FIBP: variants seen among roughly 807,000 people sequenced by gnomAD.
FIBP encodes the protein FGF1 intracellular binding protein.
A neutral mutation model predicts 40.5 loss-of-function variants in FIBP; 29 were observed. That is an observed-to-expected ratio of 0.72 (90% CI 0.53 to 0.98). The LOEUF (loss-of-function observed/expected upper bound fraction) is 0.98, where lower values mean the gene tolerates loss of function less well. FIBP is among the 50% of genes least tolerant of loss of function. The pLI, the probability that FIBP is intolerant of heterozygous loss-of-function variation, is 0.00. For synonymous variants in FIBP, 215 were observed against 191.1 expected (o/e 1.13, Z -1.03); for missense variants, 411 against 470.2 (o/e 0.87, Z 1.16).
At chr11:65,884,110 C>T (rs1419560736) in intron 9 of FIBP, 67 bp from the exon 10 acceptor site, 23 of 1,283,192 alleles carry the variant, frequency 1.8e-5, no homozygotes, top group South Asian at 1.6e-4. Flanking sequence ...CCCTGCCCTG[C>T]GTGCTTTCTA....
chr11:65,884,528 A>G (rs761672518), intron 8 of FIBP, 39 bp from the exon 9 acceptor site: 3 of 1,614,068 alleles, frequency 1.9e-6, no homozygotes, highest in Admixed American at 3.3e-5. Context: ...TGTATAGGCC[A>G]GGGACAGACC....
In FIBP at chr11:65,884,996, A is replaced by G; in HGVS notation, c.758T>C (p.Leu253Pro). Residue 253 changes from leucine to proline, a missense_variant and splice_region_variant, in exon 7 of 10, where the codon CTG becomes CCG. Physicochemically the swap from Leu to Pro is moderately conservative, Grantham distance 98 (BLOSUM62 -3). Coordinates refer to ENST00000357519, the MANE Select transcript of FIBP (RefSeq NM_004214.5). ...CTTTCCCCGGAGAGCAGTGCACACCAGGCTGCAGAGAGACAGGGTCACGCC... is the reference window on the plus strand; with the variant it reads ...CTTTCCCCGGAGAGCAGTGCACACCGGGCTGCAGAGAGACAGGGTCACGCC... Reference protein sequence around the residue: ...DKDLLDLHKSLVCTALRGKLG... With the variant: ...DKDLLDLHKSPVCTALRGKLG... The G allele has an allele frequency of 6.2e-7, 1 of 1,614,170 alleles. No individual in the cohort carries two copies. Among genetic ancestry groups the G allele is most frequent in the Non-Finnish European group, 8.5e-7 (1 of 1,180,014 alleles).
chr11:65,887,882 T>C, intron 2 of FIBP, 52 bp downstream of exon 2: 2 of 1,597,390 alleles, frequency 1.3e-6, no homozygotes, highest in Non-Finnish European at 1.7e-6. Context: ...GCCGGCAAAA[T>C]GGGTATACAG....
chr11:65,885,296 T>G (rs1860206777), intron 5 of FIBP, 110 bp from the exon 6 acceptor site: 1 of 1,017,940 alleles, frequency 9.8e-7, no homozygotes, highest in Non-Finnish European at 1.5e-6. Context: ...AAAGAGGAAA[T>G]GGAGTGTCAG....
intron 3 of FIBP, chr11:65,886,652 A>G: frequency 2.0e-6 from 1 of 487,960 alleles, no homozygotes; most frequent in Non-Finnish European, 3.7e-6. Context: ...TGTTTACTCA[A>G]TCTTATCTCT....
intron 2 of FIBP, 94 bp from the exon 3 acceptor site, chr11:65,887,820 T>C (rs768177902): frequency 6.3e-7 from 1 of 1,592,944 alleles, no homozygotes; most frequent in South Asian, 1.1e-5. Flanking sequence ...CCCCTTCCAC[T>C]CTCAACTTTC....
chr11:65,884,869 C>T, intron 7 of FIBP, 66 bp downstream of exon 7: 12 of 1,582,666 alleles, frequency 7.6e-6, no homozygotes, highest in Non-Finnish European at 1.0e-5. Context: ...GGCAGAGCTG[C>T]CCGGTAGGGG....
At chr11:65,884,151 C>T in intron 9 of FIBP, 108 bp from the exon 10 acceptor site, 1 of 934,324 alleles carries the variant, frequency 1.1e-6, no homozygotes, top group African/African-American at 1.6e-5. Flanking sequence ...TTAGAAAATC[C>T]TTACAATTCT....
chr11:65,884,165 C>T (rs1479163912), intron 9 of FIBP, 122 bp from the exon 10 acceptor site: 2 of 856,852 alleles, frequency 2.3e-6, no homozygotes, highest in African/African-American at 3.4e-5. Flanking sequence ...CAATTCTTCT[C>T]ATGATGAACC....
In FIBP at chr11:65,884,963, A is replaced by T. The variant is rs1219693584; in HGVS notation, c.791T>A (p.Val264Asp). 3 of 1,614,022 alleles carry T rather than the reference A, an allele frequency of 1.9e-6. No homozygotes were observed. ...GAAGTTGGCTTCCATCTCAGAGAAG[A>T]CGCCCAGCTTTCCCCGGAGAGCAGT... ...VCTALRGKLGVFSEMEANFKN... is the reference protein window; with the variant it reads ...VCTALRGKLGDFSEMEANFKN... Residue 264 changes from valine to aspartate, a missense_variant, in exon 7 of 10, where the codon GTC becomes GAC. Val to Asp is a radical substitution (Grantham distance 152). Coordinates refer to ENST00000357519, the MANE Select transcript of FIBP (RefSeq NM_004214.5).
In FIBP at chr11:65,884,977, C is replaced by G. The variant is rs756523812; in HGVS notation, c.777G>C (p.Arg259=). Residue 259 remains arginine (R), a synonymous_variant, in exon 7 of 10, where the codon CGG becomes CGC. Transcript: ENST00000357519. Reference sequence around the variant, plus strand: ...TCTCAGAGAAGACGCCCAGCTTTCCCCGGAGAGCAGTGCACACCAGGCTGC... The same window carrying G: ...TCTCAGAGAAGACGCCCAGCTTTCCGCGGAGAGCAGTGCACACCAGGCTGC... ...LHKSLVCTAL[R]GKLGVFSEME... The G allele has an allele frequency of 6.2e-7, 1 of 1,614,178 alleles. No homozygotes were observed. Among genetic ancestry groups the G allele is most frequent in the East Asian group, 2.2e-5 (1 of 44,884 alleles).
chr11:65,884,952 T>G lies in FIBP; in HGVS notation c.802A>C (p.Met268Leu). ...LRGKLGVFSE[M>L]EANFKNLSRG... ...CCACAGACCTTGAAGTTGGCTTCCA[T>G]CTCAGAGAAGACGCCCAGCTTTCCC... The change falls in exon 7 of 10, where the codon ATG becomes CTG. Residue 268 changes from methionine (M) to leucine (L), a missense_variant. Physicochemically the swap from Met to Leu is conservative, Grantham distance 15. Coordinates refer to ENST00000357519, the MANE Select transcript of FIBP (RefSeq NM_004214.5). 1 of 1,614,136 alleles carries G rather than the reference T, an allele frequency of 6.2e-7. No homozygotes were observed. The highest frequency in any genetic ancestry group is 8.5e-7 in the Non-Finnish European group (1 of 1,180,022).
At chr11:65,887,537 G>A (rs1327852793) in intron 3 of FIBP, 63 bp downstream of exon 3, 7 of 1,578,986 alleles carry the variant, frequency 4.4e-6, no homozygotes, top group Non-Finnish European at 6.1e-6. Context: ...AACTGGGCCA[G>A]TGGCCAAAGG....
chr11:65,884,331 G>C, intron 9 of FIBP, 61 bp downstream of exon 9: 1 of 1,478,444 alleles, frequency 6.8e-7, no homozygotes, highest in Non-Finnish European at 9.4e-7. Flanking sequence ...CAGGAGGCGA[G>C]GTCCTGGCAG....
intron 5 of FIBP, 25 bp from the exon 6 acceptor site, chr11:65,885,211 G>T: frequency 7.6e-7 from 1 of 1,315,200 alleles, no homozygotes; most frequent in South Asian, 1.2e-5. Context: ...AGGGGGTGGG[G>T]GTGGGTGATA....
intron 3 of FIBP, 29 bp downstream of exon 3, chr11:65,887,571 T>G: frequency 6.2e-7 from 1 of 1,612,470 alleles, no homozygotes; most frequent in Non-Finnish European, 8.5e-7. Flanking sequence ...GTAGATGGGA[T>G]GCTGTGTCCG....
chr11:65,887,575 GT>G, intron 3 of FIBP, 24 bp downstream of exon 3: 1 of 1,612,994 alleles, frequency 6.2e-7, no homozygotes, highest in Non-Finnish European at 8.5e-7. Context: ...ATGGGATGCT[GT>G]GTCCGTGTGG....
In FIBP at chr11:65,884,956, A is replaced by G; in HGVS notation, c.798T>C (p.Ser266=). The change falls in exon 7 of 10, where the codon TCT becomes TCC. Residue 266 remains serine, a synonymous_variant. Transcript: ENST00000357519. ...AGACCTTGAAGTTGGCTTCCATCTC[A>G]GAGAAGACGCCCAGCTTTCCCCGGA... ...TALRGKLGVF[S]EMEANFKNLS... is the part of the protein sequence containing the mutation. 1 of 1,614,166 alleles carries G rather than the reference A, an allele frequency of 6.2e-7. No homozygotes were observed. Among genetic ancestry groups the G allele is most frequent in the Non-Finnish European group, 8.5e-7 (1 of 1,180,020 alleles).
At chr11:65,885,849 GT>G in intron 4 of FIBP, 186 bp from the exon 5 acceptor site, 1 of 596,218 alleles carries the variant, frequency 1.7e-6, no homozygotes, top group Non-Finnish European at 2.9e-6. Flanking sequence ...TCCAGCTCAA[GT>G]TTACTAGTGG....
Sources: gnomAD v4.1 joint callset for allele counts on GRCh38, gnomAD v4.1.1 for gene constraint, MANE v1.5 for transcripts, NCBI Gene and HGNC (gene_info 2026-07-23, HGNC 2026-07-21) for gene names.